Variants in MAPK8 observed in about 807,000 individuals in gnomAD.
MAPK8 encodes the protein mitogen-activated protein kinase 8, also known as JUN N-terminal kinase.
A neutral mutation model predicts 52.9 loss-of-function variants in MAPK8; 13 were observed. The ratio of observed to expected loss-of-function variants is 0.25; its 90% CI spans 0.16 to 0.39. The LOEUF (loss-of-function observed/expected upper bound fraction) is 0.39, where lower values mean the gene tolerates loss of function less well. Among genes scored for constraint, MAPK8 ranks in the 10% least tolerant of loss-of-function variants. The pLI is 1.00. For missense variants in MAPK8, 300 were observed against 519.2 expected (o/e 0.58, Z 4.10); for synonymous variants, 191 against 169.8 (o/e 1.12, Z -0.97).
intron 1 of MAPK8, among the ~76,000 whole-genome samples, chr10:48,351,362 A>G (rs1474319728): frequency 2.1e-5 from 3 of 146,318 alleles, no homozygotes; most frequent in Non-Finnish European, 3.0e-5. Flanking sequence ...GCAATCTCAA[A>G]CTCCTGGGCT....
intron 1 of MAPK8, among the ~76,000 whole-genome samples, chr10:48,386,648 T>A (rs2041329033): frequency 6.6e-6 from 1 of 152,166 alleles, no homozygotes; most frequent in Non-Finnish European, 1.5e-5. Context: ...TTCCGTTACT[T>A]ATATTTGTTA....
intron 1 of MAPK8, among the ~76,000 whole-genome samples, chr10:48,355,465 C>T (rs193216622): frequency 7.9e-4 from 116 of 147,618 alleles, no homozygotes; most frequent in African/African-American, 2.6e-3. Context: ...GCCGAGATTG[C>T]GCCACTGCAC....
chr10:48,361,915 T>C (rs926978999), intron 1 of MAPK8, among the ~76,000 whole-genome samples: 1 of 152,238 alleles, frequency 6.6e-6, no homozygotes, highest in African/African-American at 2.4e-5. Context: ...TCTTGAGTTC[T>C]AGCTTCTTCC....
At chr10:48,424,654 C>T (rs1428362759) in intron 7 of MAPK8, 5 of 1,021,140 alleles carry the variant, frequency 4.9e-6, no homozygotes, top group Non-Finnish European at 7.2e-6. Flanking sequence ...TCAGTTTGGT[C>T]AGGTATAATG....
intron 1 of MAPK8, among the ~76,000 whole-genome samples, chr10:48,390,025 C>A (rs2041536138): frequency 6.6e-6 from 1 of 152,098 alleles, no homozygotes; most frequent in Non-Finnish European, 1.5e-5. Context: ...CAGTTTGAGT[C>A]CAAAGGCCTG....
At chr10:48,312,186 A>G (rs1028391305) in intron 1 of MAPK8, among the ~76,000 whole-genome samples, 7 of 152,234 alleles carry the variant, frequency 4.6e-5, no homozygotes, top group African/African-American at 1.7e-4. Flanking sequence ...GTTTAAGTTG[A>G]GAGTGTGGTG....
chr10:48,362,299 T>C (rs1847605748), intron 1 of MAPK8, among the ~76,000 whole-genome samples: 1 of 152,168 alleles, frequency 6.6e-6, no homozygotes, highest in Non-Finnish European at 1.5e-5. Flanking sequence ...AATTACCTTT[T>C]TTCAGGCCAG....
intron 7 of MAPK8, chr10:48,424,403 A>G (rs2043546792): frequency 2.7e-6 from 2 of 727,374 alleles, no homozygotes; most frequent in Non-Finnish European, 4.4e-6. Flanking sequence ...TTTATTTTAT[A>G]CTGCTTTTTA....
intron 2 of MAPK8, among the ~76,000 whole-genome samples, chr10:48,403,916 T>TC (rs1237323217): frequency 7.8e-6 from 1 of 128,274 alleles, no homozygotes; most frequent in Non-Finnish European, 1.7e-5. Flanking sequence ...GCCCGGCTAA[T>TC]TTGTGTGTGT....
chr10:48,427,595 C>A (rs1443505248), intron 10 of MAPK8, among the ~76,000 whole-genome samples: 1 of 152,012 alleles, frequency 6.6e-6, no homozygotes, highest in Non-Finnish European at 1.5e-5. Context: ...GGGTTCACGC[C>A]ATTCTCCTGC....
At chr10:48,395,769 T>C (rs2041856474) in intron 1 of MAPK8, among the ~76,000 whole-genome samples, 1 of 151,932 alleles carries the variant, frequency 6.6e-6, no homozygotes, top group South Asian at 2.1e-4. Context: ...CAGGACACTG[T>C]GGTATTGATC....
At chr10:48,347,958 T>C (rs1455855637) in intron 1 of MAPK8, among the ~76,000 whole-genome samples, 4 of 152,232 alleles carry the variant, frequency 2.6e-5, no homozygotes, top group Non-Finnish European at 1.5e-5. Flanking sequence ...TTCTACATCC[T>C]TGAGGAATCG....
At position 48,401,754 on chromosome 10, in the gene MAPK8, A is replaced by G. The variant is rs1481506037; in HGVS notation, c.94A>G (p.Ile32Val). Residue 32 changes from isoleucine (I) to valine (V), a missense_variant, in exon 2 of 12, where the codon ATA (isoleucine) becomes GTA (valine). By Grantham distance (29) the Ile-to-Val change is conservative (BLOSUM62 3). Coordinates refer to ENST00000374189, the MANE Select transcript of MAPK8 (RefSeq NM_001323329.2). ...VLKRYQNLKPIGSGAQGIVCA... is the reference protein window; with the variant it reads ...VLKRYQNLKPVGSGAQGIVCA... ...GAAACGATATCAGAATTTAAAACCT[A>G]TAGGCTCAGGAGCTCAAGGAATAGT... 9 of 1,554,914 alleles carry G rather than the reference A, an allele frequency of 5.8e-6. No individual in the cohort carries two copies. Among genetic ancestry groups the G allele is most frequent in the African/African-American group, 1.4e-5 (1 of 70,442 alleles).
At position 48,401,751 on chromosome 10, in the gene MAPK8, C is replaced by G; in HGVS notation, c.91C>G (p.Pro31Ala). The change falls in exon 2 of 12, where the codon CCT becomes GCT. Residue 31 changes from proline to alanine, a missense_variant. Pro to Ala is a conservative substitution (Grantham distance 27). Around this residue, in one of 3 missense-constraint regions of MAPK8, gnomAD observed 34 missense variants for 36.7 expected, o/e 0.93. Coordinates refer to ENST00000374189, the MANE Select transcript of MAPK8 (RefSeq NM_001323329.2). ...TVLKRYQNLK[P>A]IGSGAQGIVC... ...CCTGAAACGATATCAGAATTTAAAA[C>G]CTATAGGCTCAGGAGCTCAAGGAAT... 6.4e-7 allele frequency: 1 copy of G among 1,555,604 alleles called. No individual in the cohort carries two copies. Among genetic ancestry groups the G allele is most frequent in the Non-Finnish European group, 8.6e-7 (1 of 1,157,502 alleles).
chr10:48,434,677 A>G (rs1267023106), intron 11 of MAPK8, among the ~76,000 whole-genome samples: 2 of 152,206 alleles, frequency 1.3e-5, no homozygotes, highest in African/African-American at 4.8e-5. Flanking sequence ...GGACTCCACG[A>G]TTCTAGACAT....
At chr10:48,326,790 AC>A (rs1843566232) in intron 1 of MAPK8, among the ~76,000 whole-genome samples, 1 of 152,166 alleles carries the variant, frequency 6.6e-6, no homozygotes, top group African/African-American at 2.4e-5. Context: ...CCCGTTACTG[AC>A]CAGTAAATTT....
intron 6 of MAPK8, among the ~76,000 whole-genome samples, chr10:48,420,549 G>A (rs1198274439): frequency 6.6e-6 from 1 of 152,060 alleles, no homozygotes; most frequent in Non-Finnish European, 1.5e-5. Context: ...TACTACCATT[G>A]GATGAAGAAT....
intron 3 of MAPK8, among the ~76,000 whole-genome samples, chr10:48,407,517 T>C (rs1214845160): frequency 6.6e-6 from 1 of 152,230 alleles, no homozygotes. Flanking sequence ...TTTGCTTGGC[T>C]GTCCAGTCTA....
intron 1 of MAPK8, among the ~76,000 whole-genome samples, chr10:48,379,721 C>T (rs1368140120): frequency 6.6e-6 from 1 of 152,028 alleles, no homozygotes; most frequent in East Asian, 1.9e-4. Flanking sequence ...GTAATTAATT[C>T]CTGTTCTGTT....
Sources: gnomAD v4.1 joint callset for allele counts (sites outside exome capture counted in the v4.1 genomes callset) on GRCh38, gnomAD v4.1.1 for gene constraint, gnomAD v4.1.1 regional missense constraint, MANE v1.5 for transcripts, NCBI Gene and HGNC (gene_info 2026-07-23, HGNC 2026-07-21) for gene names.